LRFN2: variants seen among roughly 807,000 people sequenced by gnomAD.
LRFN2 encodes the protein leucine rich repeat and fibronectin type III domain containing 2, also known as leucine-rich repeat and fibronectin type-III domain-containing protein 2.
LRFN2 carries 18 observed loss-of-function variants against 37.3 expected under a neutral mutation model. That is an observed-to-expected ratio of 0.48 (90% CI 0.33 to 0.72). LRFN2 has a LOEUF of 0.72. Among genes scored for constraint, LRFN2 ranks in the 30% least tolerant of loss-of-function variants. The pLI, the probability that LRFN2 is intolerant of heterozygous loss-of-function variation, is 0.02. For synonymous variants in LRFN2, 556 were observed against 466.6 expected (o/e 1.19, Z -2.47); for missense variants, 1,006 against 1,060.7 (o/e 0.95, Z 0.72).
At chr6:40,494,770 T>A (rs1765184061) in intron 1 of LRFN2, among the ~76,000 whole-genome samples, 1 of 152,186 alleles carries the variant, frequency 6.6e-6, no homozygotes, top group Admixed American at 6.5e-5. Context: ...ATCTCCTATC[T>A]CACTCTCTAC....
At chr6:40,508,922 A>G (rs1405299005) in intron 1 of LRFN2, among the ~76,000 whole-genome samples, 1 of 152,166 alleles carries the variant, frequency 6.6e-6, no homozygotes, top group East Asian at 1.9e-4. Context: ...CATCCATGCA[A>G]TGATTGGGTT....
chr6:40,432,316 G>C lies in LRFN2; in HGVS notation c.798C>G (p.Gly266=). 6.2e-7 allele frequency: 1 copy of C among 1,614,150 alleles called. No individual in the cohort carries two copies. The highest frequency in any genetic ancestry group is 8.5e-7 in the Non-Finnish European group (1 of 1,180,048). Residue 266 remains glycine, a synonymous_variant, in exon 2 of 3, where the codon GGC becomes GGG. Transcript: ENST00000338305. ...AGCGACCCTTGAGGCCCCCTGGGGAGCCACAGGTTTCCAGGTCATCGTCCC... is the reference window on the plus strand; with the variant it reads ...AGCGACCCTTGAGGCCCCCTGGGGACCCACAGGTTTCCAGGTCATCGTCCC... ...LERDDDLETC[G]SPGGLKGRYF...
At chr6:40,532,617 T>C (rs536616722) in intron 1 of LRFN2, among the ~76,000 whole-genome samples, 11 of 152,306 alleles carry the variant, frequency 7.2e-5, no homozygotes, top group African/African-American at 2.6e-4. Context: ...GGAAATCCTG[T>C]ACCTCCTCCA....
At chr6:40,490,027 T>TGCCTGGA (rs1287742883) in intron 1 of LRFN2, among the ~76,000 whole-genome samples, 14 of 152,142 alleles carry the variant, frequency 9.2e-5, no homozygotes, top group Non-Finnish European at 1.3e-4. Context: ...GGCCGCCGCT[T>TGCCTGGA]GCCTGGAGCC....
At chr6:40,426,387 G>C (rs538962306) in intron 2 of LRFN2, among the ~76,000 whole-genome samples, 16 of 152,228 alleles carry the variant, frequency 1.1e-4, no homozygotes, top group African/African-American at 3.9e-4. Flanking sequence ...TCTGCTGTTG[G>C]GCAGCTTTGA....
chr6:40,472,852 T>G (rs1045484330), intron 1 of LRFN2, among the ~76,000 whole-genome samples: 1 of 152,164 alleles, frequency 6.6e-6, no homozygotes, highest in Non-Finnish European at 1.5e-5. Flanking sequence ...CTCTGAACTT[T>G]CAGTGAGTGT....
intron 2 of LRFN2, among the ~76,000 whole-genome samples, chr6:40,425,663 C>A (rs1464928945): frequency 6.6e-6 from 1 of 152,224 alleles, no homozygotes; most frequent in Non-Finnish European, 1.5e-5. Context: ...ACATGATAGT[C>A]AGCCCTCCCT....
chr6:40,534,026 C>T (rs1766402611), intron 1 of LRFN2, among the ~76,000 whole-genome samples: 1 of 152,222 alleles, frequency 6.6e-6, no homozygotes, highest in East Asian at 1.9e-4. Context: ...TACAACTTCC[C>T]TTCCACTTTC....
chr6:40,550,857 A>G (rs1175271570), intron 1 of LRFN2, among the ~76,000 whole-genome samples: 1 of 152,204 alleles, frequency 6.6e-6, no homozygotes, highest in African/African-American at 2.4e-5. Context: ...GGCAGAAACT[A>G]AGTAAAACTC....
intron 1 of LRFN2, among the ~76,000 whole-genome samples, chr6:40,576,030 T>C (rs1463293150): frequency 6.6e-6 from 1 of 152,136 alleles, no homozygotes; most frequent in Non-Finnish European, 1.5e-5. Context: ...TGTTATAATA[T>C]AATATAATGC....
intron 1 of LRFN2, among the ~76,000 whole-genome samples, chr6:40,467,291 C>T (rs1025200646): frequency 1.3e-5 from 2 of 152,004 alleles, no homozygotes; most frequent in African/African-American, 2.4e-5. Flanking sequence ...CTTTCTATCA[C>T]TTGATGAACT....
At chr6:40,497,312 T>A (rs918792086) in intron 1 of LRFN2, among the ~76,000 whole-genome samples, 19 of 152,100 alleles carry the variant, frequency 1.2e-4, no homozygotes, top group South Asian at 2.1e-4. Context: ...TCTTCCAGCA[T>A]CTCCTCTTAG....
At chr6:40,580,327 A>G (rs1008993322) in intron 1 of LRFN2, among the ~76,000 whole-genome samples, 1 of 152,214 alleles carries the variant, frequency 6.6e-6, no homozygotes, top group African/African-American at 2.4e-5. Flanking sequence ...ACGATCACCA[A>G]GAAGCGGCTG....
chr6:40,543,000 C>G (rs961981382), intron 1 of LRFN2, among the ~76,000 whole-genome samples: 1 of 152,232 alleles, frequency 6.6e-6, no homozygotes, highest in African/African-American at 2.4e-5. Context: ...TCCCACATCC[C>G]GTCACTTAGA....
intron 1 of LRFN2, among the ~76,000 whole-genome samples, chr6:40,445,169 G>T (rs1284544495): frequency 6.6e-6 from 1 of 152,192 alleles, no homozygotes; most frequent in East Asian, 1.9e-4. Flanking sequence ...CATATACCTG[G>T]ATAGGTGCAA....
intron 1 of LRFN2, among the ~76,000 whole-genome samples, chr6:40,574,035 A>C (rs932075455): frequency 2.0e-5 from 3 of 152,212 alleles, no homozygotes; most frequent in Admixed American, 6.5e-5. Flanking sequence ...TCTCAGGCGA[A>C]TTCGGACAGG....
intron 1 of LRFN2, among the ~76,000 whole-genome samples, chr6:40,447,835 C>G (rs1302605195): frequency 6.6e-6 from 1 of 152,138 alleles, no homozygotes; most frequent in African/African-American, 2.4e-5. Flanking sequence ...CATCTGGGCT[C>G]TCAAAGAGCT....
At chr6:40,548,142 G>T (rs1181464930) in intron 1 of LRFN2, among the ~76,000 whole-genome samples, 1 of 152,102 alleles carries the variant, frequency 6.6e-6, no homozygotes, top group South Asian at 2.1e-4. Flanking sequence ...TAAAACTAGG[G>T]ATAAAAATAG....
chr6:40,542,790 C>A (rs781761245), intron 1 of LRFN2, among the ~76,000 whole-genome samples: 19 of 152,204 alleles, frequency 1.2e-4, no homozygotes, highest in Non-Finnish European at 5.9e-5. Flanking sequence ...ACCTTGAGCC[C>A]ATCCCCAGAG....
Sources: gnomAD v4.1 joint callset for allele counts (sites outside exome capture counted in the v4.1 genomes callset) on GRCh38, gnomAD v4.1.1 for gene constraint, MANE v1.5 for transcripts, NCBI Gene and HGNC (gene_info 2026-07-23, HGNC 2026-07-21) for gene names.